IPMK: variants seen among roughly 807,000 people sequenced by gnomAD.
The protein encoded by IPMK is inositol 1,3,4,6-tetrakisphosphate 5-kinase.
Under a neutral mutation model 45.8 loss-of-function variants are expected in IPMK, and 17 were observed. The ratio of observed to expected loss-of-function variants is 0.37; its 90% CI spans 0.25 to 0.56. IPMK has a LOEUF of 0.56. Ranked by LOEUF, IPMK falls within the 20% of genes least tolerant of loss-of-function variation. IPMK has a pLI of 0.79. For synonymous variants in IPMK, 180 were observed against 184.3 expected (o/e 0.98, Z 0.19); for missense variants, 399 against 498.0 (o/e 0.80, Z 1.89).
intron 5 of IPMK, among the ~76,000 whole-genome samples, chr10:58,198,416 G>A (rs1837940395): frequency 1.3e-5 from 2 of 152,126 alleles, no homozygotes; most frequent in South Asian, 4.1e-4. Flanking sequence ...ATTTGGGACA[G>A]AAACTATTAA....
intron 1 of IPMK, among the ~76,000 whole-genome samples, chr10:58,259,599 G>C (rs1163115101): frequency 6.7e-6 from 1 of 150,330 alleles, no homozygotes; most frequent in East Asian, 2.0e-4. Context: ...TTGAGAGTCT[G>C]AGGTGGGTGG....
chr10:58,213,697 GAAAAAAAAA>G (rs574630685), intron 4 of IPMK, among the ~76,000 whole-genome samples: 1 of 131,618 alleles, frequency 7.6e-6, no homozygotes, highest in Admixed American at 7.5e-5. Flanking sequence ...AAAAAAAAAA[GAAAAAAAAA>G]AAGAAAAAAT....
intron 3 of IPMK, among the ~76,000 whole-genome samples, chr10:58,224,035 G>C (rs1838376579): frequency 6.6e-6 from 1 of 152,128 alleles, no homozygotes; most frequent in Non-Finnish European, 1.5e-5. Flanking sequence ...AATACAATAA[G>C]ACCTTTCTTT....
intron 4 of IPMK, among the ~76,000 whole-genome samples, chr10:58,214,961 A>G (rs1034377600): frequency 6.6e-6 from 1 of 152,190 alleles, no homozygotes; most frequent in African/African-American, 2.4e-5. Context: ...TTCTCGCCCC[A>G]TAAATCTGGG....
At chr10:58,252,376 TTAAGATA>T (rs1212020482) in intron 1 of IPMK, among the ~76,000 whole-genome samples, 2 of 152,122 alleles carry the variant, frequency 1.3e-5, no homozygotes, top group Admixed American at 6.5e-5. Flanking sequence ...GTCTTCATCT[TTAAGATA>T]TAAGTGGTTT....
At chr10:58,236,340 G>A (rs753617884) in intron 2 of IPMK, among the ~76,000 whole-genome samples, 22 of 152,126 alleles carry the variant, frequency 1.4e-4, no homozygotes, top group Middle Eastern at 3.2e-3. Context: ...AAGATAATAT[G>A]TGAAGAAAAT....
chr10:58,208,583 G>A (rs1838107527), intron 4 of IPMK, among the ~76,000 whole-genome samples: 1 of 151,976 alleles, frequency 6.6e-6, no homozygotes, highest in South Asian at 2.1e-4. Flanking sequence ...GGTACTTGTA[G>A]GGATAAAGAC....
chr10:58,262,100 G>A (rs1413207660), intron 1 of IPMK, among the ~76,000 whole-genome samples: 5 of 152,106 alleles, frequency 3.3e-5, no homozygotes, highest in Non-Finnish European at 7.4e-5. Flanking sequence ...TCGTGGGGTT[G>A]GGGGGATGGG....
chr10:58,211,059 T>C (rs1025188018), intron 4 of IPMK, among the ~76,000 whole-genome samples: 4 of 152,156 alleles, frequency 2.6e-5, no homozygotes, highest in African/African-American at 9.7e-5. Context: ...GAGAAAGAAT[T>C]ATAAAATAAC....
intron 1 of IPMK, among the ~76,000 whole-genome samples, chr10:58,255,423 G>A (rs1490915154): frequency 6.6e-6 from 1 of 152,154 alleles, no homozygotes; most frequent in African/African-American, 2.4e-5. Flanking sequence ...TGCCAGTTTG[G>A]GGGAGGGGGT....
At chr10:58,250,308 T>A (rs1838863166) in intron 1 of IPMK, among the ~76,000 whole-genome samples, 1 of 152,228 alleles carries the variant, frequency 6.6e-6, no homozygotes, top group Non-Finnish European at 1.5e-5. Flanking sequence ...TTCCAATCCA[T>A]GAACATATCT....
chr10:58,255,916 G>A (rs1407433610), intron 1 of IPMK, among the ~76,000 whole-genome samples: 1 of 152,122 alleles, frequency 6.6e-6, no homozygotes, highest in Non-Finnish European at 1.5e-5. Flanking sequence ...AACAGAAATT[G>A]TTAAGATTTC....
At chr10:58,258,207 G>A (rs1020079406) in intron 1 of IPMK, among the ~76,000 whole-genome samples, 6 of 152,168 alleles carry the variant, frequency 3.9e-5, no homozygotes, top group East Asian at 3.9e-4. Flanking sequence ...CTACTTGGGA[G>A]GCTGAGGCAG....
chr10:58,256,400 C>A (rs950581405), intron 1 of IPMK, among the ~76,000 whole-genome samples: 3 of 152,164 alleles, frequency 2.0e-5, no homozygotes, highest in African/African-American at 7.2e-5. Flanking sequence ...GATTAGGAAA[C>A]TCCAGCCCAG....
At chr10:58,225,607 T>C (rs1838401838) in intron 3 of IPMK, among the ~76,000 whole-genome samples, 1 of 152,216 alleles carries the variant, frequency 6.6e-6, no homozygotes, top group African/African-American at 2.4e-5. Context: ...ATTCTACTCT[T>C]TCCAAACAAT....
chr10:58,231,558 T>C (rs1423957485), intron 2 of IPMK, among the ~76,000 whole-genome samples: 1 of 152,282 alleles, frequency 6.6e-6, no homozygotes, highest in East Asian at 1.9e-4. Context: ...CAACCCAGAA[T>C]TTCATATCCA....
intron 4 of IPMK, among the ~76,000 whole-genome samples, chr10:58,214,145 TATAAG>T (rs1415588679): frequency 2.6e-5 from 4 of 152,012 alleles, no homozygotes; most frequent in Non-Finnish European, 4.4e-5. Flanking sequence ...AAGTTGAAAA[TATAAG>T]AAAGATAAGA....
intron 1 of IPMK, among the ~76,000 whole-genome samples, chr10:58,252,708 G>GT: frequency 6.7e-6 from 1 of 150,234 alleles, no homozygotes; most frequent in South Asian, 2.1e-4. Context: ...CACCTTCCGG[G>GT]TTCAAGTGAT....
chr10:58,219,489 G>T (rs1276024194), intron 3 of IPMK, among the ~76,000 whole-genome samples: 1 of 152,198 alleles, frequency 6.6e-6, no homozygotes, highest in Non-Finnish European at 1.5e-5. Context: ...CCCTAGAAGA[G>T]AGTTTAATTC....
Sources: gnomAD v4.1 joint callset for allele counts (sites outside exome capture counted in the v4.1 genomes callset) on GRCh38, gnomAD v4.1.1 for gene constraint, MANE v1.5 for transcripts, NCBI Gene and HGNC (gene_info 2026-07-23, HGNC 2026-07-21) for gene names.